Variants in HPSE2 observed in about 807,000 individuals in gnomAD.
HPSE2 encodes the protein heparanase 2 (inactive).
Under a neutral mutation model 60.5 loss-of-function variants are expected in HPSE2, and 38 were observed. The observed-to-expected ratio is 0.63, with a 90% CI of 0.48 to 0.82. HPSE2 has a LOEUF of 0.82. Among genes scored for constraint, HPSE2 ranks in the 40% least tolerant of loss-of-function variants. The probability of loss-of-function intolerance (pLI) is 0.00; values close to 1 mark genes in which losing one functional copy is unlikely to be tolerated. For missense variants in HPSE2, 713 were observed against 740.4 expected (o/e 0.96, Z 0.43); for synonymous variants, 295 against 293.2 (o/e 1.01, Z -0.06).
chr10:98,544,945 G>T (rs1219456037), intron 9 of HPSE2, among the ~76,000 whole-genome samples: 3 of 151,978 alleles, frequency 2.0e-5, no homozygotes, highest in Non-Finnish European at 4.4e-5. Context: ...GAATCAAATA[G>T]ATGCAATAAA....
chr10:99,036,826 T>C (rs1957620069), intron 3 of HPSE2, among the ~76,000 whole-genome samples: 1 of 152,210 alleles, frequency 6.6e-6, no homozygotes, highest in Admixed American at 6.5e-5. Flanking sequence ...ATACTCCTCG[T>C]TTCATGGGGT....
intron 3 of HPSE2, among the ~76,000 whole-genome samples, chr10:99,117,417 GAAAAAAAAA>G (rs1157232317): frequency 0.015 from 372 of 24,732 alleles, no homozygotes; most frequent in African/African-American, 0.042. Flanking sequence ...TTGTTTTTTT[GAAAAAAAAA>G]AAAAAAAAAA....
intron 5 of HPSE2, among the ~76,000 whole-genome samples, chr10:98,702,590 G>A (rs2134196731): frequency 6.6e-6 from 1 of 152,258 alleles, no homozygotes; most frequent in African/African-American, 2.4e-5. Flanking sequence ...CAGTCTCTCA[G>A]ACCACAGTGC....
chr10:98,525,161 C>A (rs1942924581), intron 9 of HPSE2, among the ~76,000 whole-genome samples: 1 of 152,204 alleles, frequency 6.6e-6, no homozygotes, highest in Admixed American at 6.5e-5. Flanking sequence ...CAGGTGCCCA[C>A]CACCATCCCC....
intron 4 of HPSE2, among the ~76,000 whole-genome samples, chr10:98,741,764 G>A (rs1173708917): frequency 6.6e-6 from 1 of 152,186 alleles, no homozygotes; most frequent in East Asian, 1.9e-4. Context: ...CTTTGGGCAT[G>A]TATTCTCCAG....
chr10:98,879,683 G>A (rs1044340711), intron 3 of HPSE2, among the ~76,000 whole-genome samples: 1 of 152,012 alleles, frequency 6.6e-6, no homozygotes, highest in Non-Finnish European at 1.5e-5. Flanking sequence ...GCTCTGCAGT[G>A]TAAAGACCCA....
intron 3 of HPSE2, among the ~76,000 whole-genome samples, chr10:99,017,116 T>A (rs1351026323): frequency 6.6e-6 from 1 of 152,144 alleles, no homozygotes. Flanking sequence ...AGTTTTCAAG[T>A]GGAATGCTTC....
the HPSE2 span, among the ~76,000 whole-genome samples, chr10:99,312,385 G>C: frequency 6.6e-6 from 1 of 152,178 alleles, no homozygotes; most frequent in Admixed American, 6.5e-5. Context: ...GCGACTTTAG[G>C]CTAAAGCCAG....
chr10:99,214,400 T>G (rs1184684754), intron 2 of HPSE2, among the ~76,000 whole-genome samples: 2 of 152,204 alleles, frequency 1.3e-5, no homozygotes, highest in East Asian at 1.9e-4. Flanking sequence ...CAAAAACTTG[T>G]ATACAAATTT....
At chr10:98,875,075 T>C (rs1199166134) in intron 3 of HPSE2, among the ~76,000 whole-genome samples, 1 of 151,892 alleles carries the variant, frequency 6.6e-6, no homozygotes, top group Non-Finnish European at 1.5e-5. Flanking sequence ...ATTAGAAAGC[T>C]AGAAAGATCT....
intron 3 of HPSE2, among the ~76,000 whole-genome samples, chr10:98,769,331 G>T (rs1033518324): frequency 6.6e-6 from 1 of 152,072 alleles, no homozygotes; most frequent in African/African-American, 2.4e-5. Context: ...TTGTTTTGGT[G>T]GAGTGGAGGT....
At chr10:99,013,114 G>A (rs532106164) in intron 3 of HPSE2, 6 of 658,142 alleles carry the variant, frequency 9.1e-6, no homozygotes, top group East Asian at 3.4e-5. Context: ...CTAATCTTAA[G>A]TCGTGACATT....
chr10:99,003,100 C>T (rs1289385081), intron 3 of HPSE2, among the ~76,000 whole-genome samples: 1 of 152,080 alleles, frequency 6.6e-6, no homozygotes, highest in Non-Finnish European at 1.5e-5. Context: ...ATATACTATG[C>T]AGTATTTATC....
chr10:98,557,004 G>A (rs1230604177), intron 9 of HPSE2, among the ~76,000 whole-genome samples: 1 of 148,896 alleles, frequency 6.7e-6, no homozygotes, highest in Non-Finnish European at 1.5e-5. Flanking sequence ...GAGGTCAGGA[G>A]ATTGAGACCA....
intron 3 of HPSE2, among the ~76,000 whole-genome samples, chr10:98,825,417 C>T (rs1329769508): frequency 1.3e-5 from 2 of 152,272 alleles, no homozygotes; most frequent in African/African-American, 4.8e-5. Flanking sequence ...TGCTCTTCCT[C>T]GAGCAAGGCT....
rs553748671 is a variant in HPSE2 at position 99,001,673 on chromosome 10, T to C, written c.610+142565A>G. Among the ~76,000 whole-genome samples, 11 of 152,222 alleles carry C rather than the reference T, an allele frequency of 7.2e-5. No individual in the cohort carries two copies. The East Asian group carries it at 9.6e-4, about 13-fold the overall frequency. Reference sequence around the variant, plus strand: ...GGAAACTGTAATGGCCAAAGGACCATAGCCACACAAACCCATGAATGTTCA... The same window carrying C: ...GGAAACTGTAATGGCCAAAGGACCACAGCCACACAAACCCATGAATGTTCA... On this transcript the variant is annotated intron_variant, in intron 3 of 11. Transcript: ENST00000370552.
chr10:98,732,649 C>A (rs1949256077), intron 4 of HPSE2, among the ~76,000 whole-genome samples: 1 of 151,790 alleles, frequency 6.6e-6, no homozygotes, highest in Non-Finnish European at 1.5e-5. Context: ...AGATTTAGGG[C>A]CAAATGTAAG....
chr10:98,724,516 T>G (rs1208482536), intron 4 of HPSE2, among the ~76,000 whole-genome samples: 1 of 152,160 alleles, frequency 6.6e-6, no homozygotes, highest in Non-Finnish European at 1.5e-5. Context: ...TTCCTGGATA[T>G]CCTTGTTAAC....
chr10:98,979,114 T>C (rs1956151531), intron 3 of HPSE2, among the ~76,000 whole-genome samples: 1 of 152,184 alleles, frequency 6.6e-6, no homozygotes, highest in Admixed American at 6.5e-5. Context: ...TGTTTCTAAG[T>C]GCAAGAAGGC....
Sources: gnomAD v4.1 joint callset for allele counts (sites outside exome capture counted in the v4.1 genomes callset) on GRCh38, gnomAD v4.1.1 for gene constraint, MANE v1.5 for transcripts, NCBI Gene and HGNC (gene_info 2026-07-23, HGNC 2026-07-21) for gene names.